GPHN: variants seen among roughly 807,000 people sequenced by gnomAD.
The protein encoded by GPHN is gephyrin.
Under a neutral mutation model 95.5 loss-of-function variants are expected in GPHN, and 17 were observed. The ratio of observed to expected loss-of-function variants is 0.18; its 90% CI spans 0.12 to 0.27. The LOEUF is 0.27. Among genes scored for constraint, GPHN ranks in the 10% least tolerant of loss-of-function variants. The probability of loss-of-function intolerance (pLI) is 1.00; values close to 1 mark genes in which losing one functional copy is unlikely to be tolerated. For synonymous variants in GPHN, 320 were observed against 322.5 expected (o/e 0.99, Z 0.08); for missense variants, 660 against 978.1 (o/e 0.67, Z 4.34).
intron 1 of GPHN, among the ~76,000 whole-genome samples, chr14:66,546,665 A>G (rs1237882865): frequency 6.6e-6 from 1 of 152,078 alleles, no homozygotes; most frequent in Non-Finnish European, 1.5e-5. Flanking sequence ...GCAGGCACTC[A>G]GCAAGCTGAG....
At chr14:67,679,062 A>G in the GPHN span, among the ~76,000 whole-genome samples, 3 of 152,208 alleles carry the variant, frequency 2.0e-5, no homozygotes, top group African/African-American at 7.2e-5. Flanking sequence ...GCTTATGATT[A>G]TGGAAGCTGA....
chr14:66,900,354 T>C (rs975654720), intron 5 of GPHN, among the ~76,000 whole-genome samples: 3 of 151,976 alleles, frequency 2.0e-5, no homozygotes, highest in Non-Finnish European at 4.4e-5. Context: ...TAATGTAAAC[T>C]TTAGGAGCAC....
chr14:67,733,207 C>G, the GPHN span, among the ~76,000 whole-genome samples: 1 of 152,138 alleles, frequency 6.6e-6, no homozygotes, highest in Non-Finnish European at 1.5e-5. Context: ...CTCAGGGCCC[C>G]TGCTCATTCC....
intron 5 of GPHN, among the ~76,000 whole-genome samples, chr14:66,894,420 C>T (rs2064710223): frequency 6.6e-6 from 1 of 152,154 alleles, no homozygotes; most frequent in African/African-American, 2.4e-5. Flanking sequence ...TAGAAGAAAA[C>T]CTAGGCAATA....
intron 9 of GPHN, among the ~76,000 whole-genome samples, chr14:67,021,623 T>C (rs556115352): frequency 6.6e-6 from 1 of 152,066 alleles, no homozygotes; most frequent in African/African-American, 2.4e-5. Context: ...ACCATTTCCA[T>C]TATATACATT....
At chr14:67,233,232 C>T in the GPHN span, among the ~76,000 whole-genome samples, 1 of 151,926 alleles carries the variant, frequency 6.6e-6, no homozygotes, top group Non-Finnish European at 1.5e-5. Context: ...ACATCTGCCT[C>T]CCAGGTCCAA....
intron 1 of GPHN, among the ~76,000 whole-genome samples, chr14:66,611,972 A>G (rs749713331): frequency 1.4e-4 from 21 of 152,186 alleles, no homozygotes; most frequent in East Asian, 3.9e-4. Flanking sequence ...TAACATTTCT[A>G]TCCTTTTTGT....
intron 4 of GPHN, among the ~76,000 whole-genome samples, chr14:66,862,180 T>C (rs2063050502): frequency 6.6e-6 from 1 of 151,726 alleles, no homozygotes; most frequent in African/African-American, 2.4e-5. Flanking sequence ...CTGCATAAAG[T>C]CAAATAATCA....
At chr14:67,569,104 C>T in the GPHN span, 29 of 1,481,484 alleles carry the variant, frequency 2.0e-5, no homozygotes, top group African/African-American at 8.2e-5. Context: ...GGCATCATGC[C>T]GGGCCCTGAG....
chr14:67,343,687 AGACCTT>A, the GPHN span, among the ~76,000 whole-genome samples: 6 of 152,242 alleles, frequency 3.9e-5, no homozygotes, highest in African/African-American at 1.4e-4. Context: ...CAACACAATG[AGACCTT>A]GCCTCTACAA....
At chr14:67,024,479 C>A (rs1217622591) in intron 10 of GPHN, among the ~76,000 whole-genome samples, 1 of 152,180 alleles carries the variant, frequency 6.6e-6, no homozygotes, top group Non-Finnish European at 1.5e-5. Context: ...GATACTCATA[C>A]CACTGGGAGT....
intron 1 of GPHN, among the ~76,000 whole-genome samples, chr14:66,602,095 G>A (rs1313680707): frequency 6.6e-6 from 1 of 151,876 alleles, no homozygotes; most frequent in Non-Finnish European, 1.5e-5. Context: ...AACCAGCAAA[G>A]TTCCTATCAC....
chr14:67,139,799 C>G (rs1260055186), intron 17 of GPHN, among the ~76,000 whole-genome samples: 1 of 152,056 alleles, frequency 6.6e-6, no homozygotes, highest in Non-Finnish European at 1.5e-5. Context: ...AGGAGAGTTA[C>G]AGAGAGTAGC....
the GPHN span, chr14:67,383,686 T>A: frequency 2.4e-6 from 1 of 422,720 alleles, no homozygotes; most frequent in South Asian, 2.1e-5. Context: ...GACAAATCTT[T>A]AAGAATAGTT....
At chr14:66,730,935 G>T (rs2071709768) in intron 2 of GPHN, among the ~76,000 whole-genome samples, 1 of 152,144 alleles carries the variant, frequency 6.6e-6, no homozygotes, top group African/African-American at 2.4e-5. Context: ...TGTGTCAAGG[G>T]ATGGAGGTGA....
At chr14:67,053,174 TG>T (rs147575332) in intron 10 of GPHN, among the ~76,000 whole-genome samples, 26,312 of 133,370 alleles carry the variant, frequency 0.2, 6,057 homozygotes, top group African/African-American at 0.56. Context: ...GGAGCTGGTT[TG>T]TTTTTTTTTT....
At chr14:67,163,840 A>G (rs115616140) in intron 19 of GPHN, among the ~76,000 whole-genome samples, 7,735 of 152,062 alleles carry the variant, frequency 0.051, 211 homozygotes, top group Middle Eastern at 0.068. Context: ...TTCTATATAA[A>G]GGGTAATTAA....
At chr14:67,579,220 G>A in the GPHN span, 28 of 1,610,808 alleles carry the variant, frequency 1.7e-5, no homozygotes, top group Admixed American at 3.4e-5. Flanking sequence ...AGGCCATCGC[G>A]CATGGAAGTG....
At chr14:67,023,823 C>T (rs1451968382) in intron 10 of GPHN, 148 bp downstream of exon 10, 2 of 711,702 alleles carry the variant, frequency 2.8e-6, no homozygotes, top group Non-Finnish European at 4.9e-6. Flanking sequence ...AAAAATATTG[C>T]CAGTATCAAT....
Sources: allele counts gnomAD v4.1 joint callset (sites outside exome capture counted in the v4.1 genomes callset), GRCh38; gene constraint gnomAD v4.1.1; transcripts MANE v1.5; gene names NCBI Gene and HGNC (gene_info 2026-07-23, HGNC 2026-07-21).